The following SLIT1 variants were observed in gnomAD, a reference collection of about 807,000 sequenced individuals.
The protein encoded by SLIT1 is slit guidance ligand 1.
A neutral mutation model predicts 186.1 loss-of-function variants in SLIT1; 66 were observed. The observed-to-expected ratio is 0.35, with a 90% CI of 0.29 to 0.44. SLIT1 has a LOEUF of 0.44. Ranked by LOEUF, SLIT1 falls within the 20% of genes least tolerant of loss-of-function variation. The pLI, the probability that SLIT1 is intolerant of heterozygous loss-of-function variation, is 1.00. For synonymous variants in SLIT1, 761 were observed against 833.8 expected (o/e 0.91, Z 1.50); for missense variants, 1,638 against 2,037.4 (o/e 0.80, Z 3.77).
intron 4 of SLIT1, among the ~76,000 whole-genome samples, chr10:97,148,256 A>T (rs954528829): frequency 2.6e-5 from 4 of 151,972 alleles, no homozygotes; most frequent in Admixed American, 2.6e-4. Flanking sequence ...AGTAACTATC[A>T]TTATAATAAT....
intron 4 of SLIT1, among the ~76,000 whole-genome samples, chr10:97,106,283 G>A (rs1849413177): frequency 6.6e-6 from 1 of 152,184 alleles, no homozygotes; most frequent in Non-Finnish European, 1.5e-5. Context: ...GTAAGGCAAG[G>A]TCAGAGCTGG....
At chr10:97,096,394 C>T (rs935211013) in intron 4 of SLIT1, among the ~76,000 whole-genome samples, 1 of 152,084 alleles carries the variant, frequency 6.6e-6, no homozygotes, top group Non-Finnish European at 1.5e-5. Flanking sequence ...CCCGCCAGCG[C>T]CCTGTTCCCT....
intron 1 of SLIT1, among the ~76,000 whole-genome samples, chr10:97,171,197 G>A (rs1850183469): frequency 6.6e-6 from 1 of 152,162 alleles, no homozygotes. Context: ...GTCAGACGGG[G>A]AAAACGGAGG....
intron 4 of SLIT1, among the ~76,000 whole-genome samples, chr10:97,111,054 G>A (rs1849459685): frequency 6.6e-6 from 1 of 152,070 alleles, no homozygotes. Flanking sequence ...GCCAGGCCTG[G>A]TGGCAGGCAC....
chr10:97,055,119 A>T (rs898086655), intron 13 of SLIT1, among the ~76,000 whole-genome samples: 11 of 152,194 alleles, frequency 7.2e-5, no homozygotes, highest in Non-Finnish European at 1.6e-4. Flanking sequence ...TCAGAGGCTG[A>T]GGCAGGAGAA....
At chr10:97,093,475 C>T (rs1849254449) in intron 4 of SLIT1, among the ~76,000 whole-genome samples, 1 of 152,160 alleles carries the variant, frequency 6.6e-6, no homozygotes, top group African/African-American at 2.4e-5. Flanking sequence ...GGAAAGGTGC[C>T]CTTCCTTCAC....
At chr10:97,175,301 A>G (rs1337182501) in intron 1 of SLIT1, among the ~76,000 whole-genome samples, 1 of 152,234 alleles carries the variant, frequency 6.6e-6, no homozygotes, top group Non-Finnish European at 1.5e-5. Context: ...CTGTTGGTGG[A>G]CATGTGGCTT....
intron 4 of SLIT1, among the ~76,000 whole-genome samples, chr10:97,148,791 T>A (rs1337378943): frequency 6.6e-6 from 1 of 152,244 alleles, no homozygotes; most frequent in Non-Finnish European, 1.5e-5. Flanking sequence ...TGACAAATAA[T>A]ATTTGTGTAA....
At chr10:97,093,607 T>C (rs1389532260) in intron 4 of SLIT1, among the ~76,000 whole-genome samples, 2 of 152,182 alleles carry the variant, frequency 1.3e-5, no homozygotes, top group Admixed American at 6.5e-5. Flanking sequence ...GAGCAAAAGA[T>C]AGAGGGGTCC....
At position 97,071,825 on chromosome 10, in the gene SLIT1, T is replaced by TA. The variant is rs1169386242; in HGVS notation, c.414-5740dup. Among the ~76,000 whole-genome samples the TA allele has an allele frequency of 2.6e-5, 4 of 152,350 alleles. No homozygotes were observed. The East Asian group carries it at 7.7e-4, about 29-fold the overall frequency. On this transcript the variant is annotated intron_variant, in intron 4 of 36. Coordinates refer to ENST00000266058, the MANE Select transcript of SLIT1 (RefSeq NM_003061.3). ...CAAGAATTTTCCCAGGGGTGTTTAT[T>TA]AAAAATGACAGTGTAGCCTAATCAA...
rs1848266099 is a variant in SLIT1 at position 96,998,303 on chromosome 10, T to A, written c.*2809A>T. 6.6e-6 allele frequency: 1 copy of A among 152,192 alleles called. No individual in the cohort carries two copies. The highest frequency in any genetic ancestry group is 2.1e-4 in the South Asian group (1 of 4,836). 9.4% of individuals were successfully genotyped at this position (152,192 alleles called of 1,614,324 possible). A position where few individuals can be genotyped will look rare whatever the true frequency, so the allele number is the denominator to read the frequency against. ...AATGAAATACAAATATATATTAGAA[T>A]CTGTAAGTATTCTGTATAAAGAGAT... On this transcript the variant is annotated 3_prime_UTR_variant, in exon 37 of 37. Coordinates refer to ENST00000266058, the MANE Select transcript of SLIT1 (RefSeq NM_003061.3).
chr10:97,172,800 G>C (rs1850207276), intron 1 of SLIT1, among the ~76,000 whole-genome samples: 1 of 152,046 alleles, frequency 6.6e-6, no homozygotes, highest in Non-Finnish European at 1.5e-5. Context: ...AGACTGAGGT[G>C]GGGGGATCAC....
chr10:97,119,926 T>TATATATATATATATAC (rs1849544787), intron 4 of SLIT1, among the ~76,000 whole-genome samples: 1 of 128,408 alleles, frequency 7.8e-6, no homozygotes, highest in Non-Finnish European at 1.7e-5. Flanking sequence ...TATATATATA[T>TATATATATATATATAC]ATATATATAT....
chr10:97,119,871 C>T, intron 4 of SLIT1, among the ~76,000 whole-genome samples: 1 of 134,056 alleles, frequency 7.5e-6, no homozygotes, highest in Non-Finnish European at 1.6e-5. Context: ...CTCACTTAGT[C>T]TTGAAAGTTT....
At chr10:97,036,004 C>T (rs1002154621) in intron 22 of SLIT1, among the ~76,000 whole-genome samples, 1 of 152,126 alleles carries the variant, frequency 6.6e-6, no homozygotes, top group South Asian at 2.1e-4. Flanking sequence ...ATCACCCACA[C>T]GACTTTATGC....
intron 4 of SLIT1, among the ~76,000 whole-genome samples, chr10:97,089,038 G>C (rs1589388233): frequency 6.6e-6 from 1 of 152,158 alleles, no homozygotes; most frequent in Non-Finnish European, 1.5e-5. Flanking sequence ...ACCCTGCAAG[G>C]AGAAACTGCA....
At chr10:97,048,862 G>T (rs1848760642) in intron 14 of SLIT1, 93 bp downstream of exon 14, 2 of 1,340,796 alleles carry the variant, frequency 1.5e-6, no homozygotes, top group Non-Finnish European at 1.0e-6. Context: ...TAGGTGGGCA[G>T]GTGGGCAGGT....
chr10:97,047,190 T>A, intron 16 of SLIT1, 125 bp from the exon 17 acceptor site: 1 of 661,196 alleles, frequency 1.5e-6, no homozygotes, highest in Non-Finnish European at 2.7e-6. Context: ...GCAAAGCAAA[T>A]TGATCCTATT....
intron 4 of SLIT1, among the ~76,000 whole-genome samples, chr10:97,123,662 C>T (rs937490520): frequency 7.2e-5 from 11 of 151,782 alleles, no homozygotes; most frequent in African/African-American, 1.9e-4. Flanking sequence ...TGGTGGCAGG[C>T]GCCTGTAATC....
Sources: gnomAD v4.1 joint callset for allele counts (sites outside exome capture counted in the v4.1 genomes callset) on GRCh38, gnomAD v4.1.1 for gene constraint, MANE v1.5 for transcripts, NCBI Gene and HGNC (gene_info 2026-07-23, HGNC 2026-07-21) for gene names.